SLCO6A1: variants seen among roughly 807,000 people sequenced by gnomAD.
The protein encoded by SLCO6A1 is cancer/testis antigen 48.
Under a neutral mutation model 72.7 loss-of-function variants are expected in SLCO6A1, and 65 were observed. The observed-to-expected ratio is 0.89, with a 90% CI of 0.73 to 1.10. The LOEUF is 1.10. Among genes scored for constraint, SLCO6A1 ranks in the 50% least tolerant of loss-of-function variants. The pLI is 0.00. For synonymous variants in SLCO6A1, 314 were observed against 298.2 expected (o/e 1.05, Z -0.55); for missense variants, 874 against 872.6 (o/e 1.00, Z -0.02).
chr5:102,493,893 A>G (rs891350050), intron 1 of SLCO6A1, among the ~76,000 whole-genome samples: 2 of 152,208 alleles, frequency 1.3e-5, no homozygotes, highest in Non-Finnish European at 2.9e-5. Context: ...CTCCAAATTT[A>G]TAGACTCAAC....
At chr5:102,431,384 G>A (rs553296494) in intron 7 of SLCO6A1, among the ~76,000 whole-genome samples, 2 of 152,134 alleles carry the variant, frequency 1.3e-5, no homozygotes, top group South Asian at 2.1e-4. Flanking sequence ...TTTTTGATGT[G>A]AGCATGTGGT....
chr5:102,456,064 G>A (rs919603571), intron 6 of SLCO6A1, among the ~76,000 whole-genome samples: 12 of 152,042 alleles, frequency 7.9e-5, no homozygotes, highest in Admixed American at 6.6e-4. Context: ...AACCCTTCAT[G>A]CTAAAAACTG....
chr5:102,420,586 G>C (rs553239760), intron 7 of SLCO6A1, among the ~76,000 whole-genome samples: 48 of 150,798 alleles, frequency 3.2e-4, no homozygotes, highest in Middle Eastern at 3.4e-3. Flanking sequence ...GAAAAAGGAG[G>C]GGGAGGAGGA....
intron 6 of SLCO6A1, 61 bp from the exon 7 acceptor site, chr5:102,438,822 A>G (rs1264955007): frequency 3.3e-6 from 4 of 1,224,744 alleles, no homozygotes; most frequent in Non-Finnish European, 4.3e-6. Flanking sequence ...AGGAATAGAC[A>G]GAACCAAATG....
intron 7 of SLCO6A1, among the ~76,000 whole-genome samples, chr5:102,429,915 T>A (rs566939436): frequency 6.6e-6 from 1 of 152,214 alleles, no homozygotes; most frequent in Non-Finnish European, 1.5e-5. Flanking sequence ...ATTTTAAAGA[T>A]ATTGATTCTT....
rs1190269169 is a variant in SLCO6A1 at position 102,472,583 on chromosome 5, A to AAT, written c.899+3112_899+3113dup. ...ATATATAATTAAAATACAGCTTTAAAATATATATTTATGTAACTGTAGAAA... is the reference window on the plus strand; with the variant it reads ...ATATATAATTAAAATACAGCTTTAAAATATATATATTTATGTAACTGTAGAAA... On this transcript the variant is annotated intron_variant, in intron 4 of 13. Coordinates refer to ENST00000506729, the MANE Select transcript of SLCO6A1 (RefSeq NM_173488.5). Among the ~76,000 whole-genome samples the AAT allele has an allele frequency of 1.2e-4, 18 of 152,194 alleles. No individual in the cohort carries two copies. In the South Asian group the frequency reaches 1.9e-3, roughly 16 times the overall value.
intron 6 of SLCO6A1, among the ~76,000 whole-genome samples, chr5:102,449,661 C>A (rs576114319): frequency 3.9e-5 from 6 of 152,282 alleles, no homozygotes; most frequent in Non-Finnish European, 7.4e-5. Context: ...GCTGGGATTA[C>A]AGGCGTGAGC....
intron 9 of SLCO6A1, among the ~76,000 whole-genome samples, chr5:102,408,703 A>G (rs1307624967): frequency 6.6e-6 from 1 of 152,178 alleles, no homozygotes; most frequent in Non-Finnish European, 1.5e-5. Context: ...AAATAATCCC[A>G]TATGAAAGAA....
intron 10 of SLCO6A1, among the ~76,000 whole-genome samples, chr5:102,395,743 TGA>T (rs1243807471): frequency 6.6e-6 from 1 of 152,186 alleles, no homozygotes; most frequent in East Asian, 1.9e-4. Flanking sequence ...CTAACTGGTG[TGA>T]GATGGTATCT....
rs1268175589 is a variant in SLCO6A1 at position 102,498,612 on chromosome 5, G to A, written c.233C>T (p.Pro78Leu). 1.9e-6 allele frequency: 3 copies of A among 1,614,216 alleles called. No homozygotes were observed. Among genetic ancestry groups the A allele is most frequent in the Non-Finnish European group, 2.5e-6 (3 of 1,180,032 alleles). The change falls in exon 1 of 14, where the codon CCG (proline) becomes CTG (leucine). Residue 78 changes from proline (P) to leucine (L), a missense_variant. Transcript: ENST00000506729. ...KKAKSSVSKK[P>L]GEVDDSLEQP... ...CTCCAAACTGTCATCCACTTCTCCCGGCTTCTTGGAAACTGAGGACTTGGC... is the reference window on the plus strand; with the variant it reads ...CTCCAAACTGTCATCCACTTCTCCCAGCTTCTTGGAAACTGAGGACTTGGC...
At chr5:102,469,946 T>C (rs1443868609) in intron 4 of SLCO6A1, among the ~76,000 whole-genome samples, 1 of 152,200 alleles carries the variant, frequency 6.6e-6, no homozygotes, top group East Asian at 1.9e-4. Flanking sequence ...GTTCTGTTTA[T>C]GTGAGTGGAT....
At chr5:102,473,622 G>A (rs939333712) in intron 4 of SLCO6A1, among the ~76,000 whole-genome samples, 1 of 151,796 alleles carries the variant, frequency 6.6e-6, no homozygotes, top group African/African-American at 2.4e-5. Flanking sequence ...AGAAAAATTG[G>A]GGAAGAAAAA....
At chr5:102,489,112 G>C (rs1462846646) in intron 1 of SLCO6A1, among the ~76,000 whole-genome samples, 1 of 152,274 alleles carries the variant, frequency 6.6e-6, no homozygotes, top group South Asian at 2.1e-4. Context: ...TCAAGAAATT[G>C]AGCAATGCTC....
rs992892032 is a variant in SLCO6A1 at position 102,401,092 on chromosome 5, C to T, written c.1627-1350G>A. Among the ~76,000 whole-genome samples the T allele has an allele frequency of 4.6e-5, 7 of 151,734 alleles. No individual in the cohort carries two copies. The East Asian group carries it at 1.2e-3, about 25-fold the overall frequency. On this transcript the variant is annotated intron_variant, in intron 9 of 13. Coordinates refer to ENST00000506729, the MANE Select transcript of SLCO6A1 (RefSeq NM_173488.5). ...GTTATAGGACAATACTTAACATGAT[C>T]AGAGAATGTTTTGATGATGAAGTGA... is the stretch of plus-strand genomic sequence containing the variant.
chr5:102,417,302 C>G (rs1328816256), intron 8 of SLCO6A1, among the ~76,000 whole-genome samples: 1 of 150,634 alleles, frequency 6.6e-6, no homozygotes, highest in African/African-American at 2.4e-5. Context: ...TAAAGATTAT[C>G]TCCCTTTTAA....
chr5:102,421,191 C>A (rs1748578963), intron 7 of SLCO6A1, among the ~76,000 whole-genome samples: 1 of 152,082 alleles, frequency 6.6e-6, no homozygotes, highest in South Asian at 2.1e-4. Flanking sequence ...AACTGGGCTG[C>A]CAGTTGGGCA....
chr5:102,387,637 T>G (rs1327190623), intron 12 of SLCO6A1, among the ~76,000 whole-genome samples: 1 of 152,198 alleles, frequency 6.6e-6, no homozygotes, highest in Non-Finnish European at 1.5e-5. Flanking sequence ...TAGAAGGCAT[T>G]GCTCTATACT....
chr5:102,464,057 G>A (rs1169532575), intron 4 of SLCO6A1, among the ~76,000 whole-genome samples: 4 of 152,086 alleles, frequency 2.6e-5, no homozygotes, highest in African/African-American at 7.2e-5. Context: ...TAGGATGGGG[G>A]GTGAGGGATA....
At chr5:102,452,572 C>T (rs1317519734) in intron 6 of SLCO6A1, among the ~76,000 whole-genome samples, 1 of 152,098 alleles carries the variant, frequency 6.6e-6, no homozygotes, top group East Asian at 1.9e-4. Context: ...ATTTTACTTG[C>T]ATCTATCTTG....
Sources: gnomAD v4.1 joint callset for allele counts (sites outside exome capture counted in the v4.1 genomes callset) on GRCh38, gnomAD v4.1.1 for gene constraint, MANE v1.5 for transcripts, NCBI Gene and HGNC (gene_info 2026-07-23, HGNC 2026-07-21) for gene names.